Variants in LIN9 observed in about 807,000 individuals in gnomAD.
LIN9 encodes the protein protein lin-9 homolog.
LIN9 carries 18 observed loss-of-function variants against 78.0 expected under a neutral mutation model. The ratio of observed to expected loss-of-function variants is 0.23; its 90% CI spans 0.16 to 0.34. The LOEUF is 0.34. Among genes scored for constraint, LIN9 ranks in the 10% least tolerant of loss-of-function variants. The pLI is 1.00. For synonymous variants in LIN9, 192 were observed against 215.2 expected, an observed-to-expected ratio of 0.89 and a Z score of 0.94; for missense variants, 451 against 644.1, an observed-to-expected ratio of 0.70 and a Z score of 3.25.
chr1:226,272,539 CTTTTT>C (rs555346267), intron 7 of LIN9, among the ~76,000 whole-genome samples: 9 of 129,810 alleles, frequency 6.9e-5, no homozygotes, highest in Non-Finnish European at 8.1e-5. Flanking sequence ...CATGCTTGAC[CTTTTT>C]TTTTTTTTTT....
At chr1:226,295,278 C>T (rs1219229112) in intron 4 of LIN9, among the ~76,000 whole-genome samples, 2 of 151,678 alleles carry the variant, frequency 1.3e-5, no homozygotes, top group East Asian at 1.9e-4. Flanking sequence ...GGTGAAACCC[C>T]GTCTCTACTA....
At chr1:226,251,700 A>G (rs1343263171) in intron 10 of LIN9, among the ~76,000 whole-genome samples, 2 of 152,244 alleles carry the variant, frequency 1.3e-5, no homozygotes, top group Non-Finnish European at 2.9e-5. Flanking sequence ...TAAACCGACA[A>G]GCAAATATTA....
intron 10 of LIN9, among the ~76,000 whole-genome samples, chr1:226,260,331 C>G (rs879290429): frequency 6.6e-6 from 1 of 152,100 alleles, no homozygotes; most frequent in African/African-American, 2.4e-5. Context: ...TAACTCTTCT[C>G]CAAGGTTAGC....
chr1:226,250,532 G>T (rs1045381962), intron 11 of LIN9, among the ~76,000 whole-genome samples: 1 of 152,062 alleles, frequency 6.6e-6, no homozygotes, highest in African/African-American at 2.4e-5. Context: ...AAGATTTACT[G>T]TTGTATGTAT....
chr1:226,256,350 G>A (rs1020650806), intron 10 of LIN9, among the ~76,000 whole-genome samples: 4 of 151,960 alleles, frequency 2.6e-5, no homozygotes, highest in South Asian at 2.1e-4. Context: ...AATATCTTGC[G>A]TTGAGAAAAA....
intron 6 of LIN9, among the ~76,000 whole-genome samples, chr1:226,283,495 T>C (rs1184096049): frequency 6.6e-6 from 1 of 151,988 alleles, no homozygotes. Flanking sequence ...GAGTTCTTTA[T>C]ATAGTAGGGA....
intron 3 of LIN9, 121 bp from the exon 4 acceptor site, chr1:226,296,067 A>C: frequency 1.6e-6 from 1 of 614,804 alleles, no homozygotes; most frequent in Non-Finnish European, 2.8e-6. Flanking sequence ...GGAAGGATAA[A>C]GTATGGGCAA....
intron 12 of LIN9, among the ~76,000 whole-genome samples, chr1:226,237,167 G>T (rs1657771141): frequency 6.6e-6 from 1 of 152,172 alleles, no homozygotes; most frequent in African/African-American, 2.4e-5. Flanking sequence ...AAAGATTGAT[G>T]AGCAACCCGT....
intron 1 of LIN9, among the ~76,000 whole-genome samples, chr1:226,304,366 GA>G (rs950541345): frequency 7.9e-5 from 12 of 151,786 alleles, no homozygotes; most frequent in South Asian, 2.1e-4. Flanking sequence ...ATCTGATGTG[GA>G]AAAAAAAATT....
chr1:226,285,613 C>T (rs1661341790), intron 6 of LIN9, among the ~76,000 whole-genome samples: 1 of 152,052 alleles, frequency 6.6e-6, no homozygotes, highest in African/African-American at 2.4e-5. Flanking sequence ...AATTTTCACT[C>T]AAAAGTAATA....
At chr1:226,264,965 A>T (rs757280346) in intron 10 of LIN9, among the ~76,000 whole-genome samples, 25 of 152,188 alleles carry the variant, frequency 1.6e-4, no homozygotes, top group Non-Finnish European at 3.1e-4. Flanking sequence ...CAAACTAAAA[A>T]ATTTATTTAA....
At chr1:226,307,463 A>G (rs2666426) in intron 1 of LIN9, among the ~76,000 whole-genome samples, 147,950 of 152,120 alleles carry the variant, frequency 0.97, 72,075 homozygotes, top group East Asian at 1. Flanking sequence ...AGAAACCCCC[A>G]TCTCTACTAA....
intron 2 of LIN9, among the ~76,000 whole-genome samples, chr1:226,298,927 T>C (rs1662334691): frequency 6.6e-6 from 1 of 152,162 alleles, no homozygotes; most frequent in Non-Finnish European, 1.5e-5. Flanking sequence ...AGCGTGGTTA[T>C]TTCTGTTTTC....
At chr1:226,234,806 A>G (rs1341994159) in intron 12 of LIN9, among the ~76,000 whole-genome samples, 2 of 151,730 alleles carry the variant, frequency 1.3e-5, no homozygotes, top group Non-Finnish European at 2.9e-5. Flanking sequence ...CCCTATTCCC[A>G]TCTAATGCCA....
Position 226,231,722 on chromosome 1 carries a change from A to AT in LIN9, c.*778dup, listed in dbSNP as rs927900178. On this transcript the variant is annotated 3_prime_UTR_variant, in exon 15 of 15. Coordinates refer to ENST00000681046, the MANE Select transcript of LIN9 (RefSeq NM_001366245.2). ...AAAAATATGAAAATAGTGTGTTATC[A>AT]TTTTTTTTTTAATAAATCTCACAAC... The AT allele has an allele frequency of 4.7e-4, 71 of 152,224 alleles. No individual in the cohort carries two copies. The highest frequency in any genetic ancestry group is 6.7e-3 in the Middle Eastern group (2 of 298). The allele number at this position is 152,224 out of a possible 1,614,324, so 9.4% of individuals were successfully genotyped here.
Position 226,276,474 on chromosome 1 carries a change from T to A in LIN9, c.682+1301A>T, listed in dbSNP as rs1473243379. On this transcript the variant is annotated intron_variant, in intron 7 of 14. Transcript: ENST00000681046. ...CAGTGAGTTGTCAATATACACTCAT[T>A]TATTACCAAATCTAGTCTCTCCTAG... Among the ~76,000 whole-genome samples the A allele has an allele frequency of 8.5e-5, 13 of 152,314 alleles. No individual in the cohort carries two copies. In the East Asian group the frequency reaches 2.5e-3, roughly 29 times the overall value.
chr1:226,257,246 G>A (rs994691166), intron 10 of LIN9, among the ~76,000 whole-genome samples: 1 of 151,962 alleles, frequency 6.6e-6, no homozygotes, highest in Non-Finnish European at 1.5e-5. Flanking sequence ...CACCACACCT[G>A]GCCAGAAATG....
At chr1:226,254,949 A>C (rs188533403) in intron 10 of LIN9, among the ~76,000 whole-genome samples, 1 of 150,870 alleles carries the variant, frequency 6.6e-6, no homozygotes, top group East Asian at 2.0e-4. Flanking sequence ...GACACTTCTT[A>C]GATCTCTAAG....
intron 11 of LIN9, among the ~76,000 whole-genome samples, chr1:226,246,618 TAAAA>T: frequency 7.6e-6 from 1 of 131,544 alleles, no homozygotes; most frequent in South Asian, 2.4e-4. Context: ...CCGTCTCTAC[TAAAA>T]AAAAAAAAAA....
Sources: gnomAD v4.1 joint callset for allele counts (sites outside exome capture counted in the v4.1 genomes callset) on GRCh38, gnomAD v4.1.1 for gene constraint, MANE v1.5 for transcripts, NCBI Gene and HGNC (gene_info 2026-07-23, HGNC 2026-07-21) for gene names.